Variants in HS1BP3 observed in about 807,000 individuals in gnomAD.
HS1BP3 encodes the protein HCLS1 binding protein 3, also known as HCLS1-binding protein 3.
In HS1BP3, 32 loss-of-function variants were observed where a neutral mutation model predicts 33.5. The observed-to-expected ratio is 0.95, with a 90% CI of 0.72 to 1.28. HS1BP3 has a LOEUF of 1.28. Ranked by LOEUF, HS1BP3 falls within the 50% of genes most tolerant of loss-of-function variation. HS1BP3 has a pLI of 0.00. For missense variants in HS1BP3, 486 were observed against 502.3 expected (o/e 0.97, Z 0.31); for synonymous variants, 187 against 209.2 (o/e 0.89, Z 0.92).
Position 20,636,683 on chromosome 2 carries a change from TC to T in HS1BP3, c.623+1752del, listed in dbSNP as rs1695140983. 2.6e-5 allele frequency: 4 copies of T among 152,322 alleles called. No homozygotes were observed. The South Asian group carries it at 8.3e-4, about 32-fold the overall frequency. 9.4% of individuals were successfully genotyped at this position (152,322 alleles called of 1,614,324 possible). ...TGTATGAGTTCTGGGAACTTTTGCT[TC>T]AGTTTTATGGGATGTTTATACATGT... On this transcript the variant is annotated intron_variant, in intron 4 of 6. Coordinates refer to ENST00000304031, the MANE Select transcript of HS1BP3 (RefSeq NM_022460.4).
At chr2:20,576,907 T>G (rs141315522) in intron 5 of HS1BP3, among the ~76,000 whole-genome samples, 56 of 152,228 alleles carry the variant, frequency 3.7e-4, no homozygotes, top group Non-Finnish European at 7.6e-4. Context: ...CCTAGTCATA[T>G]CCTTTTGGTC....
chr2:20,563,168 A>G (rs1052860134), intron 5 of HS1BP3, among the ~76,000 whole-genome samples: 4 of 152,182 alleles, frequency 2.6e-5, no homozygotes, highest in Non-Finnish European at 5.9e-5. Flanking sequence ...GCTACTCGTC[A>G]TGCTCACCTC....
At chr2:20,577,378 A>T (rs897142855) in intron 5 of HS1BP3, among the ~76,000 whole-genome samples, 2 of 152,074 alleles carry the variant, frequency 1.3e-5, no homozygotes, top group Non-Finnish European at 2.9e-5. Context: ...CTTCCCAACC[A>T]TTGGCTGGGG....
At chr2:20,594,495 G>A (rs1207890084) in intron 3 of HS1BP3, among the ~76,000 whole-genome samples, 2 of 152,216 alleles carry the variant, frequency 1.3e-5, no homozygotes, top group Non-Finnish European at 2.9e-5. Context: ...TGCTGGGGTT[G>A]AAGTTGCAGG....
intron 2 of HS1BP3, among the ~76,000 whole-genome samples, chr2:20,643,145 C>T (rs930240091): frequency 4.6e-5 from 7 of 152,210 alleles, no homozygotes; most frequent in Non-Finnish European, 1.0e-4. Flanking sequence ...TAAAGGAGTT[C>T]TTTGCCCTCG....
chr2:20,641,265 C>T, intron 2 of HS1BP3, 85 bp from the exon 3 acceptor site: 2 of 1,266,784 alleles, frequency 1.6e-6, no homozygotes, highest in South Asian at 1.3e-5. Flanking sequence ...TTCCCAAGGC[C>T]CAGCAGCCAA....
intron 2 of HS1BP3, among the ~76,000 whole-genome samples, chr2:20,604,831 G>A (rs1558331126): frequency 6.6e-6 from 1 of 152,232 alleles, no homozygotes; most frequent in East Asian, 1.9e-4. Flanking sequence ...CACGGAGTCT[G>A]GGTTTTCAGG....
intron 6 of HS1BP3, among the ~76,000 whole-genome samples, chr2:20,621,952 C>A (rs1002829642): frequency 6.6e-6 from 1 of 152,206 alleles, no homozygotes; most frequent in African/African-American, 2.4e-5. Flanking sequence ...TGAGGTCAAC[C>A]AGTGGGGGGT....
chr2:20,610,807 A>G (rs1022799636), intron 2 of HS1BP3, among the ~76,000 whole-genome samples: 1 of 152,240 alleles, frequency 6.6e-6, no homozygotes, highest in African/African-American at 2.4e-5. Context: ...TTCCACAGGT[A>G]TATTGAGATA....
At chr2:20,625,520 A>C (rs2149292670) in intron 4 of HS1BP3, among the ~76,000 whole-genome samples, 1 of 152,370 alleles carries the variant, frequency 6.6e-6, no homozygotes, top group Non-Finnish European at 1.5e-5. Flanking sequence ...GGAGGGCAGA[A>C]AGCAGCTTTG....
intron 4 of HS1BP3, chr2:20,636,003 A>G (rs1695115240): frequency 6.6e-6 from 1 of 152,206 alleles, no homozygotes; most frequent in Admixed American, 6.5e-5. Context: ...CGCCGCGGCC[A>G]CGGCGGGGAA....
chr2:20,607,269 C>T (rs1329271496), intron 2 of HS1BP3, among the ~76,000 whole-genome samples: 1 of 152,034 alleles, frequency 6.6e-6, no homozygotes, highest in Non-Finnish European at 1.5e-5. Context: ...AATTCTCCTG[C>T]CTTGGCCTCC....
At chr2:20,590,245 C>G (rs192417433), downstream of HS1BP3, among the ~76,000 whole-genome samples, 12 of 152,302 alleles carry the variant, frequency 7.9e-5, no homozygotes, top group East Asian at 2.3e-3. Context: ...CAGACTTGAG[C>G]CGAATTCTCA....
chr2:20,640,535 C>T (rs1198512434), intron 3 of HS1BP3: 3 of 422,900 alleles, frequency 7.1e-6, no homozygotes, highest in Middle Eastern at 6.0e-4. Flanking sequence ...AAGCACATGT[C>T]CCCAGGGGCA....
downstream of HS1BP3, among the ~76,000 whole-genome samples, chr2:20,617,221 C>T (rs1572336012): frequency 6.6e-6 from 1 of 152,294 alleles, no homozygotes; most frequent in East Asian, 1.9e-4. Flanking sequence ...GACCTGGCCC[C>T]ATCCCCTCCC....
At chr2:20,634,051 C>A (rs1485935399) in intron 4 of HS1BP3, among the ~76,000 whole-genome samples, 7 of 152,214 alleles carry the variant, frequency 4.6e-5, no homozygotes, top group African/African-American at 1.7e-4. Flanking sequence ...CCACATGAAC[C>A]CCAGGATGGC....
intron 4 of HS1BP3, among the ~76,000 whole-genome samples, chr2:20,632,065 C>T (rs1694986028): frequency 6.6e-6 from 1 of 152,200 alleles, no homozygotes; most frequent in African/African-American, 2.4e-5. Context: ...GCCAAACATG[C>T]CCCACTTCCT....
At chr2:20,586,459 A>T (rs1430238312) in intron 5 of HS1BP3, 1 of 152,216 alleles carries the variant, frequency 6.6e-6, no homozygotes, top group African/African-American at 2.4e-5. Context: ...AGCGCATTCC[A>T]GATGTTCCCG....
At chr2:20,609,222 A>G (rs1436198894) in intron 2 of HS1BP3, among the ~76,000 whole-genome samples, 2 of 152,184 alleles carry the variant, frequency 1.3e-5, no homozygotes, top group Non-Finnish European at 2.9e-5. Flanking sequence ...TGCTGCTCTA[A>G]TAGTGCCTGT....
Sources: gnomAD v4.1 joint callset for allele counts (sites outside exome capture counted in the v4.1 genomes callset) on GRCh38, gnomAD v4.1.1 for gene constraint, MANE v1.5 for transcripts, NCBI Gene and HGNC (gene_info 2026-07-23, HGNC 2026-07-21) for gene names.